The following PRKCB variants were observed in gnomAD, a reference collection of about 807,000 sequenced individuals.
PRKCB encodes protein kinase C beta type.
Under a neutral mutation model 81.5 loss-of-function variants are expected in PRKCB, and 13 were observed. The observed-to-expected ratio is 0.16, with a 90% CI of 0.10 to 0.25. PRKCB has a LOEUF of 0.25. PRKCB is among the 10% of genes least tolerant of loss of function. The pLI, the probability that PRKCB is intolerant of heterozygous loss-of-function variation, is 1.00. For synonymous variants in PRKCB, 335 were observed against 321.4 expected, an observed-to-expected ratio of 1.04 and a Z score of -0.45; for missense variants, 509 against 875.7, an observed-to-expected ratio of 0.58 and a Z score of 5.29.
intron 2 of PRKCB, among the ~76,000 whole-genome samples, chr16:23,930,430 A>G (rs1221685442): frequency 6.6e-6 from 1 of 151,996 alleles, no homozygotes. Context: ...TTAGCCTGGT[A>G]TGGGGGTATG....
Position 24,191,245 on chromosome 16 carries a change from C to G in PRKCB, c.1863+15C>G. 1 of 1,613,666 alleles carries G rather than the reference C, an allele frequency of 6.2e-7. No individual in the cohort carries two copies. The highest frequency in any genetic ancestry group is 8.5e-7 in the Non-Finnish European group (1 of 1,179,620). ...AGCCAAAAGCTGTAAGTAGCCCATTCTCTCTGACTGCCGGGTATTCACACA... is the reference window on the plus strand; with the variant it reads ...AGCCAAAAGCTGTAAGTAGCCCATTGTCTCTGACTGCCGGGTATTCACACA... On this transcript the variant is annotated intron_variant, in intron 16 of 16. Coordinates refer to ENST00000643927, the MANE Select transcript of PRKCB (RefSeq NM_002738.7).
In PRKCB at chr16:24,158,730, C is replaced by G. The variant is rs191111428; in HGVS notation, c.1239+3873C>G. 1.3e-4 allele frequency among the ~76,000 whole-genome samples: 20 copies of G among 152,126 alleles called. No individual in the cohort carries two copies. The East Asian group carries it at 3.7e-3, about 28-fold the overall frequency. On this transcript the variant is annotated intron_variant, in intron 10 of 16. Coordinates refer to ENST00000643927, the MANE Select transcript of PRKCB (RefSeq NM_002738.7). ...CTTGAGTGCAGTGAAACAATCATAG[C>G]TCACTGCAGCCTTGGGCTCCTGGGC...
chr16:24,194,373 C>G (rs959229679), intron 16 of PRKCB, among the ~76,000 whole-genome samples: 1 of 151,830 alleles, frequency 6.6e-6, no homozygotes, highest in African/African-American at 2.4e-5. Flanking sequence ...AAAAAAAAAC[C>G]TCACAATTTC....
chr16:23,883,822 T>A (rs1429401122), intron 2 of PRKCB, among the ~76,000 whole-genome samples: 1 of 152,178 alleles, frequency 6.6e-6, no homozygotes, highest in Non-Finnish European at 1.5e-5. Context: ...ATTTTGTAGA[T>A]CTGTGTTGTC....
chr16:24,074,050 G>A (rs1000800550), intron 5 of PRKCB, among the ~76,000 whole-genome samples: 1 of 151,910 alleles, frequency 6.6e-6, no homozygotes, highest in Non-Finnish European at 1.5e-5. Context: ...CAGGAGAATG[G>A]CATGAACTCA....
At chr16:24,183,102 C>T (rs527542677) in intron 13 of PRKCB, among the ~76,000 whole-genome samples, 6 of 152,070 alleles carry the variant, frequency 3.9e-5, no homozygotes, top group East Asian at 1.9e-4. Flanking sequence ...CCTCGTGATC[C>T]GCCCGCCTCG....
chr16:24,175,175 G>T (rs527932005), intron 12 of PRKCB, among the ~76,000 whole-genome samples: 2 of 152,166 alleles, frequency 1.3e-5, no homozygotes, highest in East Asian at 3.9e-4. Flanking sequence ...CAAGTCCAGG[G>T]CGTACAATTC....
chr16:24,202,936 G>C (rs1283840225), intron 16 of PRKCB, among the ~76,000 whole-genome samples: 2 of 152,094 alleles, frequency 1.3e-5, no homozygotes, highest in Admixed American at 1.3e-4. Context: ...TGAAACTGGG[G>C]CCTGGTGCAG....
At chr16:23,879,523 C>T (rs1348036941) in intron 2 of PRKCB, among the ~76,000 whole-genome samples, 22 of 114,792 alleles carry the variant, frequency 1.9e-4, no homozygotes, top group African/African-American at 7.6e-4. Flanking sequence ...TTTTTTGAGA[C>T]GGAGCCCCAC....
intron 16 of PRKCB, among the ~76,000 whole-genome samples, chr16:24,212,564 C>T (rs1485162793): frequency 6.8e-6 from 1 of 148,064 alleles, no homozygotes; most frequent in Non-Finnish European, 1.5e-5. Flanking sequence ...GCAACCTCTA[C>T]CTCGCTGGCT....
At chr16:23,925,930 G>GTTT (rs111232429) in intron 2 of PRKCB, among the ~76,000 whole-genome samples, 5,745 of 145,586 alleles carry the variant, frequency 0.039, 375 homozygotes, top group African/African-American at 0.14. Flanking sequence ...CTCTTTCTGA[G>GTTT]TTTTTTTTTT....
At chr16:23,946,258 C>G (rs1440285759) in intron 2 of PRKCB, among the ~76,000 whole-genome samples, 1 of 152,154 alleles carries the variant, frequency 6.6e-6, no homozygotes, top group African/African-American at 2.4e-5. Context: ...CTAATTCTGC[C>G]TGGATAGTAT....
At chr16:23,911,128 C>CTTTTTTTTGT (rs1963645698) in intron 2 of PRKCB, among the ~76,000 whole-genome samples, 1 of 31,558 alleles carries the variant, frequency 3.2e-5, no homozygotes, top group African/African-American at 1.3e-4. Flanking sequence ...CGTATATATG[C>CTTTTTTTTGT]TTTTTTTTTT....
chr16:23,951,887 A>G (rs1181892707), intron 2 of PRKCB, among the ~76,000 whole-genome samples: 1 of 152,250 alleles, frequency 6.6e-6, no homozygotes, highest in African/African-American at 2.4e-5. Flanking sequence ...CAAATGTGTC[A>G]GTCTTCTAAA....
chr16:23,886,234 T>C (rs1027938489), intron 2 of PRKCB, among the ~76,000 whole-genome samples: 8 of 152,118 alleles, frequency 5.3e-5, no homozygotes, highest in African/African-American at 1.9e-4. Context: ...GACTTGCAGA[T>C]GGATCAAGGC....
chr16:24,111,661 T>C (rs887237945), intron 7 of PRKCB, among the ~76,000 whole-genome samples: 1 of 149,128 alleles, frequency 6.7e-6, no homozygotes, highest in Non-Finnish European at 1.5e-5. Flanking sequence ...CAGCCAGGTG[T>C]GGTGGGATGT....
intron 9 of PRKCB, among the ~76,000 whole-genome samples, chr16:24,129,620 CATCTATCATCTAT>C (rs1185923117): frequency 2.0e-5 from 3 of 152,030 alleles, no homozygotes; most frequent in Non-Finnish European, 4.4e-5. Flanking sequence ...ATCTATCTAT[CATCTATCATCTAT>C]ATCTATCATC....
intron 16 of PRKCB, among the ~76,000 whole-genome samples, chr16:24,211,177 A>G (rs936967833): frequency 2.6e-5 from 4 of 152,330 alleles, no homozygotes. Context: ...AACAGCAGAA[A>G]CAATTTAGCT....
intron 5 of PRKCB, among the ~76,000 whole-genome samples, chr16:24,087,946 C>T (rs1966329536): frequency 6.6e-6 from 1 of 152,178 alleles, no homozygotes; most frequent in African/African-American, 2.4e-5. Context: ...TTCTCCTGTA[C>T]TCTTTGCAAA....
Sources: allele counts gnomAD v4.1 joint callset (sites outside exome capture counted in the v4.1 genomes callset), GRCh38; gene constraint gnomAD v4.1.1; transcripts MANE v1.5; gene names NCBI Gene and HGNC (gene_info 2026-07-23, HGNC 2026-07-21).